CLEC16A: variants seen among roughly 807,000 people sequenced by gnomAD.
CLEC16A encodes protein CLEC16A.
Under a neutral mutation model 109.5 loss-of-function variants are expected in CLEC16A, and 51 were observed. That is an observed-to-expected ratio of 0.47 (90% confidence interval 0.37 to 0.59). The LOEUF is 0.59. CLEC16A is among the 20% of genes least tolerant of loss of function. The pLI is 0.00. For missense variants in CLEC16A, 1,339 were observed against 1,394.0 expected (o/e 0.96, Z 0.63); for synonymous variants, 673 against 564.2 (o/e 1.19, Z -2.73).
At chr16:11,146,590 GGGA>G (rs1227206751) in intron 22 of CLEC16A, among the ~76,000 whole-genome samples, 1 of 151,534 alleles carries the variant, frequency 6.6e-6, no homozygotes, top group East Asian at 1.9e-4. Context: ...TGGATGTAGA[GGGA>G]TTGATGGATG....
chr16:11,007,925 T>G (rs1437447098), intron 11 of CLEC16A, among the ~76,000 whole-genome samples: 3 of 151,982 alleles, frequency 2.0e-5, no homozygotes, highest in Non-Finnish European at 4.4e-5. Flanking sequence ...TTAACTGGGA[T>G]AAGGAGGAGA....
Position 11,125,996 on chromosome 16 carries a change from A to T in CLEC16A, c.2491A>T (p.Ile831Phe), listed in dbSNP as rs1382672955. The T allele has an allele frequency of 1.3e-6, 2 of 1,591,716 alleles. No homozygotes were observed. Among genetic ancestry groups the T allele is most frequent in the Non-Finnish European group, 8.5e-7 (1 of 1,170,416 alleles). ...GACCGTAGCCCTCCTGGACCTCCCAATCCAGCCCACCACTGAAGTCCTGGG... is the reference window on the plus strand; with the variant it reads ...GACCGTAGCCCTCCTGGACCTCCCATTCCAGCCCACCACTGAAGTCCTGGG... ...QRIAALLDLP[I>F]QPTTEVLGFG... is the part of the protein sequence containing the mutation. The change falls in exon 22 of 24, where the codon ATC (isoleucine) becomes TTC (phenylalanine). Residue 831 changes from isoleucine (I) to phenylalanine (F), a missense_variant. This residue lies in a region of CLEC16A where 1,061 missense variants were observed against 1,006.8 expected (regional missense o/e 1.05). Coordinates refer to ENST00000409790, the MANE Select transcript of CLEC16A (RefSeq NM_015226.3).
intron 22 of CLEC16A, among the ~76,000 whole-genome samples, chr16:11,144,489 C>T (rs2053972325): frequency 1.3e-5 from 2 of 152,118 alleles, no homozygotes; most frequent in East Asian, 1.9e-4. Context: ...GCCACCCTCC[C>T]CTCAGCTGAG....
At chr16:10,974,176 G>A (rs2042932112) in intron 7 of CLEC16A, among the ~76,000 whole-genome samples, 1 of 151,966 alleles carries the variant, frequency 6.6e-6, no homozygotes, top group African/African-American at 2.4e-5. Flanking sequence ...AGGATTACAG[G>A]TGTGAGCCAC....
In CLEC16A at chr16:11,003,324, G is replaced by A. The variant is rs375477582; in HGVS notation, c.1303+19G>A. On this transcript the variant is annotated intron_variant, in intron 11 of 23. Coordinates refer to ENST00000409790, the MANE Select transcript of CLEC16A (RefSeq NM_015226.3). Reference sequence around the variant, plus strand: ...AGTGAAGGTGAGTGTCCCCATGAACGCCGCCCTGTGCCTGCGCCGCCAGCC... The same window carrying A: ...AGTGAAGGTGAGTGTCCCCATGAACACCGCCCTGTGCCTGCGCCGCCAGCC... 40 of 1,592,766 alleles carry A rather than the reference G, an allele frequency of 2.5e-5. No homozygotes were observed. In the African/African-American group the frequency reaches 4.6e-4, roughly 18 times the overall value.
chr16:11,027,955 CT>C (rs1181480665), intron 13 of CLEC16A, among the ~76,000 whole-genome samples: 5 of 152,324 alleles, frequency 3.3e-5, no homozygotes, highest in Non-Finnish European at 1.5e-5. Flanking sequence ...AATCCCAACA[CT>C]TTGGGAGGCT....
intron 10 of CLEC16A, among the ~76,000 whole-genome samples, chr16:10,987,580 T>C (rs906375654): frequency 6.6e-6 from 1 of 152,204 alleles, no homozygotes; most frequent in African/African-American, 2.4e-5. Flanking sequence ...CTAGCCCACA[T>C]GTGTCGGCTT....
intron 8 of CLEC16A, among the ~76,000 whole-genome samples, chr16:10,977,883 A>G (rs1038199742): frequency 4.6e-5 from 7 of 152,126 alleles, no homozygotes; most frequent in African/African-American, 1.7e-4. Context: ...TTCCTGAGAC[A>G]GAGACAGAGT....
chr16:11,069,851 GTTA>G (rs1243331412), intron 19 of CLEC16A, among the ~76,000 whole-genome samples: 2 of 152,236 alleles, frequency 1.3e-5, no homozygotes, highest in Non-Finnish European at 2.9e-5. Context: ...CATTGTATGA[GTTA>G]TTATAAGTAA....
chr16:11,147,881 A>C (rs967799299), intron 22 of CLEC16A, among the ~76,000 whole-genome samples: 1 of 152,354 alleles, frequency 6.6e-6, no homozygotes, highest in Middle Eastern at 3.4e-3. Context: ...CCTGCAACAC[A>C]TTCCGGAATA....
intron 10 of CLEC16A, among the ~76,000 whole-genome samples, chr16:10,999,572 T>C (rs1463275464): frequency 6.6e-6 from 1 of 152,202 alleles, no homozygotes; most frequent in African/African-American, 2.4e-5. Context: ...CATAATTACC[T>C]AACAACTCCC....
At chr16:11,117,834 C>G (rs1159809306) in intron 19 of CLEC16A, among the ~76,000 whole-genome samples, 1 of 152,190 alleles carries the variant, frequency 6.6e-6, no homozygotes, top group East Asian at 1.9e-4. Flanking sequence ...GGACTGAGCT[C>G]TCTTGTTTAA....
chr16:11,090,945 C>T (rs1306122887), intron 19 of CLEC16A, among the ~76,000 whole-genome samples: 1 of 149,600 alleles, frequency 6.7e-6, no homozygotes. Context: ...GCTGGGATTA[C>T]AGGCATGAGC....
chr16:10,948,082 A>G (rs1289999657), intron 1 of CLEC16A, among the ~76,000 whole-genome samples: 1 of 152,112 alleles, frequency 6.6e-6, no homozygotes, highest in East Asian at 1.9e-4. Flanking sequence ...TTTAGTAGAG[A>G]CGGGGTTTCA....
chr16:10,945,838 C>G (rs2041334990), intron 1 of CLEC16A, among the ~76,000 whole-genome samples: 1 of 152,206 alleles, frequency 6.6e-6, no homozygotes, highest in South Asian at 2.1e-4. Context: ...TCTCCACTCT[C>G]TGCGATTATT....
At chr16:10,994,456 G>A (rs1197413861) in intron 10 of CLEC16A, among the ~76,000 whole-genome samples, 3 of 152,120 alleles carry the variant, frequency 2.0e-5, no homozygotes, top group South Asian at 2.1e-4. Flanking sequence ...CTCATCACCC[G>A]GCTTCCTTTT....
chr16:11,117,507 C>T (rs1398501393), intron 19 of CLEC16A, among the ~76,000 whole-genome samples: 3 of 152,152 alleles, frequency 2.0e-5, no homozygotes, highest in African/African-American at 4.8e-5. Flanking sequence ...ATGTTTTCCA[C>T]AGTCATTGCA....
intron 17 of CLEC16A, among the ~76,000 whole-genome samples, 176 bp from the exon 18 acceptor site, chr16:11,051,337 T>C (rs2047929399): frequency 6.6e-6 from 1 of 152,224 alleles, no homozygotes; most frequent in South Asian, 2.1e-4. Context: ...AAAAGGCATA[T>C]TGCTCCCTTA....
intron 11 of CLEC16A, among the ~76,000 whole-genome samples, chr16:11,004,680 T>C (rs752594729): frequency 6.6e-6 from 1 of 152,214 alleles, no homozygotes; most frequent in African/African-American, 2.4e-5. Context: ...ACCACCTTGC[T>C]TGCTCCATCA....
Sources: gnomAD v4.1 joint callset for allele counts (sites outside exome capture counted in the v4.1 genomes callset) on GRCh38, gnomAD v4.1.1 for gene constraint, gnomAD v4.1.1 regional missense constraint, MANE v1.5 for transcripts, NCBI Gene and HGNC (gene_info 2026-07-23, HGNC 2026-07-21) for gene names.